The following MYH16 variants were observed in gnomAD, a reference collection of about 807,000 sequenced individuals.
MYH16 encodes the protein myosin heavy chain 16.
chr7:99,297,381 C>T lies in MYH16; in HGVS notation n.4500-279C>T, dbSNP rs547545738. 2.6e-5 allele frequency among the ~76,000 whole-genome samples: 4 copies of T among 152,030 alleles called. No homozygotes were observed. In the East Asian group the frequency reaches 5.8e-4, roughly 22 times the overall value. ...CTGGGAGGTGGATGTTGCAGTGAGC[C>T]GAGATCATGCCACTGTACTCCAGCC... On this transcript the variant is annotated intron_variant and non_coding_transcript_variant, in intron 34 of 41. Coordinates refer to ENST00000439784, the Ensembl canonical transcript of MYH16.
At chr7:99,284,884 G>A (rs1157833195) in exon 26 of MYH16, 3 of 456,604 alleles carry the variant, frequency 6.6e-6, no homozygotes, top group African/African-American at 6.0e-5. Flanking sequence ...CGAAATATGA[G>A]GATGAGCAGT....
chr7:99,248,057 C>G (rs1791755496), intron 3 of MYH16, among the ~76,000 whole-genome samples: 1 of 152,186 alleles, frequency 6.6e-6, no homozygotes, highest in African/African-American at 2.4e-5. Flanking sequence ...TACTCTTAAC[C>G]ATTACCTCTA....
chr7:99,272,349 T>C (rs1792056974), intron 19 of MYH16, among the ~76,000 whole-genome samples: 1 of 152,164 alleles, frequency 6.6e-6, no homozygotes, highest in South Asian at 2.1e-4. Flanking sequence ...GGCAGGTTCA[T>C]GCAGAGCCAG....
intron 38 of MYH16, among the ~76,000 whole-genome samples, chr7:99,302,407 AT>A (rs2150837651): frequency 6.6e-6 from 1 of 151,578 alleles, no homozygotes; most frequent in Non-Finnish European, 1.5e-5. Flanking sequence ...TCTACTAAAA[AT>A]ACAATAATTA....
chr7:99,256,285 A>T, intron 9 of MYH16, among the ~76,000 whole-genome samples: 1 of 148,790 alleles, frequency 6.7e-6, no homozygotes, highest in Non-Finnish European at 1.5e-5. Context: ...CAAAAAAAAA[A>T]AAAAAAAAAA....
intron 22 of MYH16, 124 bp from the exon 5 acceptor site, chr7:99,280,748 CTTGG>C (rs1199880857): frequency 5.8e-6 from 1 of 171,744 alleles, no homozygotes; most frequent in East Asian, 1.9e-4. Context: ...AGGGTTCTGA[CTTGG>C]TTGGTCTAGG....
Position 99,273,443 on chromosome 7 carries a change from G to T in MYH16, n.2485+20G>T, listed in dbSNP as rs1335209154. On this transcript the variant is annotated intron_variant and non_coding_transcript_variant, in intron 20 of 41. Coordinates refer to ENST00000439784, the Ensembl canonical transcript of MYH16. ...AACAAGGTGAGGGCCGAGGGGCCAG[G>T]CCAGGGGGGACTGCTGCTGCCTATG... 1 of 456,674 alleles carries T rather than the reference G, an allele frequency of 2.2e-6. No homozygotes were observed. The highest frequency in any genetic ancestry group is 4.4e-6 in the Non-Finnish European group (1 of 226,982). 28.3% of individuals were successfully genotyped at this position (456,674 alleles called of 1,614,324 possible).
intron 14 of MYH16, chr7:99,263,480 G>A (rs2150812425): frequency 6.5e-6 from 1 of 152,844 alleles, no homozygotes; most frequent in Non-Finnish European, 1.5e-5. Flanking sequence ...ACCCCTTGTT[G>A]TGTCCAGTAT....
intron 2 of MYH16, among the ~76,000 whole-genome samples, chr7:99,243,814 CATTCATCCATCT>C (rs1791697157): frequency 6.6e-6 from 1 of 151,854 alleles, no homozygotes. Context: ...TCCATCCATC[CATTCATCCATCT>C]ATCCATTCGT....
intron 30 of MYH16, among the ~76,000 whole-genome samples, chr7:99,289,660 A>T (rs1792339846): frequency 6.6e-6 from 1 of 152,238 alleles, no homozygotes; most frequent in African/African-American, 2.4e-5. Context: ...ATTCATGCTG[A>T]CGAAATACAA....
intron 37 of MYH16, among the ~76,000 whole-genome samples, chr7:99,300,673 G>A (rs1004098512): frequency 2.0e-5 from 3 of 152,146 alleles, no homozygotes; most frequent in African/African-American, 7.2e-5. Context: ...GCATGGTGGT[G>A]CTCGTGCCTG....
chr7:99,243,948 T>C (rs1458500236), intron 2 of MYH16, among the ~76,000 whole-genome samples: 1 of 151,644 alleles, frequency 6.6e-6, no homozygotes, highest in African/African-American at 2.4e-5. Context: ...CATCCAAACA[T>C]CTATCCATCA....
chr7:99,253,184 T>C (rs1791831109), intron 7 of MYH16: 1 of 151,728 alleles, frequency 6.6e-6, no homozygotes, highest in African/African-American at 2.4e-5. Flanking sequence ...AGAGGATCAC[T>C]TGAGCCCAGG....
At chr7:99,289,951 A>AT (rs1792344311) in intron 30 of MYH16, among the ~76,000 whole-genome samples, 1 of 152,266 alleles carries the variant, frequency 6.6e-6, no homozygotes, top group African/African-American at 2.4e-5. Context: ...CACCTTTGTC[A>AT]TACAGGTGCA....
intron 39 of MYH16, among the ~76,000 whole-genome samples, chr7:99,304,304 C>G (rs967128404): frequency 1.3e-5 from 2 of 152,170 alleles, no homozygotes; most frequent in African/African-American, 4.8e-5. Flanking sequence ...ATGCTGTGCC[C>G]CTCATGGAGA....
At chr7:99,309,989 C>T (rs1443887910), downstream of MYH16, among the ~76,000 whole-genome samples, 1 of 151,318 alleles carries the variant, frequency 6.6e-6, no homozygotes, top group Non-Finnish European at 1.5e-5. Context: ...GCCACTCCAG[C>T]CTGGGCAACA....
intron 38 of MYH16, among the ~76,000 whole-genome samples, chr7:99,302,542 A>G (rs9768020): frequency 0.35 from 53,155 of 151,684 alleles, 15,753 homozygotes; most frequent in African/African-American, 0.81. Context: ...ATTCCAGCCT[A>G]GGCGACAGAG....
At chr7:99,302,176 C>T (rs1478784708) in intron 38 of MYH16, among the ~76,000 whole-genome samples, 1 of 151,276 alleles carries the variant, frequency 6.6e-6, no homozygotes, top group Admixed American at 6.6e-5. Flanking sequence ...TGGTGGCACA[C>T]ACCTGTAATC....
rs140643302 is a variant in MYH16, at chr7:99,283,362, A to T, written n.2993-203A>T. On this transcript the variant is annotated intron_variant and non_coding_transcript_variant, in intron 23 of 41. Coordinates refer to ENST00000439784, the Ensembl canonical transcript of MYH16. ...TCAACCTCCCTGGCTCAAGCAATTG[A>T]CCTCCCTGATGGGTGGCTCTGGTCC... Among the ~76,000 whole-genome samples the T allele has an allele frequency of 3.5e-4, 53 of 152,144 alleles. 2 individuals are homozygous for T. In the South Asian group the frequency reaches 6.9e-3, roughly 20 times the overall value.
Sources: allele counts gnomAD v4.1 joint callset (sites outside exome capture counted in the v4.1 genomes callset), GRCh38; gene constraint gnomAD v4.1.1; transcripts MANE v1.5; gene names NCBI Gene and HGNC (gene_info 2026-07-23, HGNC 2026-07-21).